Variants in ETS1 observed in about 807,000 individuals in gnomAD.
ETS1 encodes ETS proto-oncogene 1, transcription factor.
In ETS1, 15 loss-of-function variants were observed where a neutral mutation model predicts 58.6. The ratio of observed to expected loss-of-function variants is 0.26; its 90% CI spans 0.17 to 0.39. ETS1 has a LOEUF of 0.39. ETS1 is among the 10% of genes least tolerant of loss of function. The pLI is 1.00. For synonymous variants in ETS1, 214 were observed against 218.2 expected, an observed-to-expected ratio of 0.98 and a Z score of 0.17; for missense variants, 417 against 610.5, an observed-to-expected ratio of 0.68 and a Z score of 3.34.
intron 3 of ETS1, among the ~76,000 whole-genome samples, chr11:128,507,045 G>A (rs1453633201): frequency 6.6e-6 from 1 of 152,170 alleles, no homozygotes; most frequent in African/African-American, 2.4e-5. Flanking sequence ...CTGATAGGGC[G>A]GTGGGGTGTG....
intron 2 of ETS1, among the ~76,000 whole-genome samples, chr11:128,565,454 C>G (rs1864477910): frequency 6.6e-6 from 1 of 152,138 alleles, no homozygotes; most frequent in South Asian, 2.1e-4. Flanking sequence ...TATAGCAGCA[C>G]TAATGGACCA....
chr11:128,499,545 G>C (rs1051894980), intron 3 of ETS1, among the ~76,000 whole-genome samples: 2 of 152,178 alleles, frequency 1.3e-5, no homozygotes, highest in Non-Finnish European at 2.9e-5. Context: ...CACATCTTCA[G>C]ACACGCAAGC....
intron 1 of ETS1, among the ~76,000 whole-genome samples, chr11:128,580,823 C>A (rs1864855546): frequency 6.6e-6 from 1 of 152,174 alleles, no homozygotes; most frequent in African/African-American, 2.4e-5. Flanking sequence ...ATTCCGCCAA[C>A]CCTTGCTTAA....
chr11:128,574,577 G>A (rs1308014672), intron 1 of ETS1, among the ~76,000 whole-genome samples: 1 of 152,136 alleles, frequency 6.6e-6, no homozygotes, highest in East Asian at 1.9e-4. Flanking sequence ...TTGTTTCCAA[G>A]AACAGTGAGT....
rs118054217 is a variant in ETS1 at position 128,487,097 on chromosome 11, C to T, written c.536-951G>A. Among the ~76,000 whole-genome samples, 293 of 152,284 alleles carry T rather than the reference C, an allele frequency of 1.9e-3. 11 individuals carry two copies. The East Asian group carries it at 0.048, about 25-fold the overall frequency. On this transcript the variant is annotated intron_variant, in intron 5 of 9. Coordinates refer to ENST00000392668, the MANE Select transcript of ETS1 (RefSeq NM_001143820.2). ...GCAGTTTATCAGATTGAAACATCCC[C>T]GTACCTTTCACCTTCCACCCCACCC...
At chr11:128,538,790 A>C (rs1010394053) in intron 3 of ETS1, among the ~76,000 whole-genome samples, 6 of 142,472 alleles carry the variant, frequency 4.2e-5, no homozygotes, top group Non-Finnish European at 7.7e-5. Flanking sequence ...ACACACACAC[A>C]CCAAACCAGG....
At chr11:128,489,716 G>A (rs895700086) in intron 4 of ETS1, among the ~76,000 whole-genome samples, 4 of 152,116 alleles carry the variant, frequency 2.6e-5, no homozygotes, top group African/African-American at 9.7e-5. Context: ...GGTCACTACT[G>A]CCAGCCAAAA....
At chr11:128,482,697 A>G (rs957777305) in intron 7 of ETS1, among the ~76,000 whole-genome samples, 1 of 152,162 alleles carries the variant, frequency 6.6e-6, no homozygotes, top group Non-Finnish European at 1.5e-5. Context: ...TTCTCCAAAA[A>G]TGGGTAGAAT....
chr11:128,585,037 AAAGAAAG>A lies in ETS1; in HGVS notation c.-15+2444_-15+2450del, dbSNP rs1565421155. Among the ~76,000 whole-genome samples, 63 of 7,174 alleles carry A rather than the reference AAAGAAAG, an allele frequency of 8.8e-3. 10 individuals are homozygous for A. The highest frequency in any genetic ancestry group is 0.011 in the Non-Finnish European group (49 of 4,284). The allele number at this position is 7,174 out of a possible 152,430, so 4.7% of individuals were successfully genotyped here. On this transcript the variant is annotated intron_variant, in intron 1 of 9. Coordinates refer to ENST00000392668, the MANE Select transcript of ETS1 (RefSeq NM_001143820.2). ...GAAAGAAAGAAGAAAGAAAGAAAAG[AAAGAAAG>A]AAAGAAAGAAAGAAAGAAAGAAAGA... is the stretch of plus-strand genomic sequence containing the variant.
chr11:128,518,034 C>A (rs1397964574), intron 3 of ETS1, among the ~76,000 whole-genome samples: 4 of 152,208 alleles, frequency 2.6e-5, no homozygotes, highest in Non-Finnish European at 5.9e-5. Context: ...ATCAACCCTG[C>A]AAATGTTCCC....
chr11:128,489,542 T>A, intron 4 of ETS1, 52 bp from the exon 5 acceptor site: 1 of 1,462,154 alleles, frequency 6.8e-7, no homozygotes, highest in Non-Finnish European at 9.6e-7. Flanking sequence ...TTAACTCCTA[T>A]CCAAGCCTCA....
rs753022051 is a variant in ETS1, at chr11:128,486,033, A to G, written c.613+36T>C. 3 of 1,324,626 alleles carry G rather than the reference A, an allele frequency of 2.3e-6. No individual in the cohort carries two copies. The South Asian group carries it at 3.6e-5, about 16-fold the overall frequency. The allele number at this position is 1,324,626 out of a possible 1,614,324, so 82.1% of individuals were successfully genotyped here. On this transcript the variant is annotated intron_variant, in intron 6 of 9. Transcript: ENST00000392668. ...GATAGGGGTCTTTTCCTAGTTTGCT[A>G]TTATCATGAGAGAAGAGGGGTAGAA...
intron 3 of ETS1, among the ~76,000 whole-genome samples, chr11:128,532,536 T>G (rs1565399852): frequency 6.6e-6 from 1 of 152,206 alleles, no homozygotes; most frequent in Non-Finnish European, 1.5e-5. Flanking sequence ...GGGTGTTTAG[T>G]TAAGTCACCC....
chr11:128,493,367 G>C (rs1010642407), intron 3 of ETS1, among the ~76,000 whole-genome samples: 1 of 152,192 alleles, frequency 6.6e-6, no homozygotes, highest in African/African-American at 2.4e-5. Context: ...CCTGTCAGGG[G>C]GCAGGCACTT....
intron 3 of ETS1, chr11:128,526,090 A>G (rs900059445): frequency 1.6e-5 from 2 of 125,036 alleles, no homozygotes; most frequent in African/African-American, 3.0e-5. Context: ...ACACAGACTC[A>G]TTGGCTATTG....
chr11:128,504,513 G>A (rs1188730789), intron 3 of ETS1, among the ~76,000 whole-genome samples: 1 of 152,252 alleles, frequency 6.6e-6, no homozygotes, highest in South Asian at 2.1e-4. Context: ...AGAAGGAGGA[G>A]CCAAGCTCTG....
chr11:128,474,809 G>C (rs1862278618), intron 8 of ETS1, among the ~76,000 whole-genome samples: 1 of 152,210 alleles, frequency 6.6e-6, no homozygotes, highest in Non-Finnish European at 1.5e-5. Context: ...CAGCCTCTGA[G>C]CAAGAAAGGG....
chr11:128,521,257 C>T (rs536109434), intron 3 of ETS1, among the ~76,000 whole-genome samples: 1 of 152,156 alleles, frequency 6.6e-6, no homozygotes, highest in South Asian at 2.1e-4. Flanking sequence ...TTCCTTCCAA[C>T]GGACCTTTGG....
chr11:128,500,333 T>C (rs1426917456), intron 3 of ETS1, among the ~76,000 whole-genome samples: 1 of 152,220 alleles, frequency 6.6e-6, no homozygotes, highest in Non-Finnish European at 1.5e-5. Context: ...ATTAATGATG[T>C]TCAGAAAGCA....
Sources: allele counts gnomAD v4.1 joint callset (sites outside exome capture counted in the v4.1 genomes callset), GRCh38; gene constraint gnomAD v4.1.1; transcripts MANE v1.5; gene names NCBI Gene and HGNC (gene_info 2026-07-23, HGNC 2026-07-21).